MIA2: variants seen among roughly 807,000 people sequenced by gnomAD.
MIA2 encodes MIA SH3 domain ER export factor 2.
Under a neutral mutation model 167.8 loss-of-function variants are expected in MIA2, and 127 were observed. That is an observed-to-expected ratio of 0.76 (90% CI 0.66 to 0.88). The LOEUF (loss-of-function observed/expected upper bound fraction) is 0.88. Ranked by LOEUF, MIA2 falls within the 40% of genes least tolerant of loss-of-function variation. MIA2 has a pLI of 0.00. For missense variants in MIA2, 1,690 were observed against 1,624.7 expected, an observed-to-expected ratio of 1.04 and a Z score of -0.69; for synonymous variants, 552 against 541.9, an observed-to-expected ratio of 1.02 and a Z score of -0.26.
chr14:39,256,585 T>TA (rs201802571), intron 6 of MIA2, among the ~76,000 whole-genome samples: 16 of 151,222 alleles, frequency 1.1e-4, no homozygotes, highest in African/African-American at 1.7e-4. Context: ...GGCAGCTTTT[T>TA]AAAAAAAAAT....
chr14:39,302,013 C>G (rs1251262787), intron 14 of MIA2, 116 bp from the exon 15 acceptor site: 17 of 1,155,068 alleles, frequency 1.5e-5, no homozygotes, highest in Non-Finnish European at 2.0e-5. Context: ...AATAAGAGCT[C>G]TTGTGTTGTT....
intron 23 of MIA2, among the ~76,000 whole-genome samples, chr14:39,362,591 G>GC (rs1328685618): frequency 6.6e-6 from 1 of 151,776 alleles, no homozygotes; most frequent in Non-Finnish European, 1.5e-5. Context: ...GGTTAGTCTA[G>GC]CTAGTAGTTT....
intron 9 of MIA2, among the ~76,000 whole-genome samples, chr14:39,280,756 CAAA>C (rs1332392698): frequency 1.3e-5 from 2 of 151,318 alleles, no homozygotes; most frequent in Non-Finnish European, 3.0e-5. Context: ...AACAAACAAA[CAAA>C]AAAACCCTAC....
intron 9 of MIA2, among the ~76,000 whole-genome samples, chr14:39,289,093 A>G (rs1205013154): frequency 2.0e-5 from 3 of 152,086 alleles, no homozygotes; most frequent in African/African-American, 7.2e-5. Flanking sequence ...CCGTGAAGCC[A>G]TCTCTTCCTG....
chr14:39,358,967 G>C (rs969102765), intron 23 of MIA2, among the ~76,000 whole-genome samples: 4 of 152,212 alleles, frequency 2.6e-5, no homozygotes, highest in African/African-American at 9.6e-5. Context: ...CCCCTACTGG[G>C]GGATGCCTCC....
downstream of MIA2, among the ~76,000 whole-genome samples, chr14:39,355,968 A>T (rs1252808507): frequency 1.3e-5 from 2 of 152,138 alleles, no homozygotes; most frequent in Non-Finnish European, 2.9e-5. Context: ...TTTTTTATTG[A>T]GGATTTTTGC....
In MIA2 at chr14:39,348,779, A is replaced by G; in HGVS notation, c.3874A>G (p.Asn1292Asp). The G allele has an allele frequency of 6.2e-7, 1 of 1,613,944 alleles. No individual in the cohort carries two copies. Among genetic ancestry groups the G allele is most frequent in the Non-Finnish European group, 8.5e-7 (1 of 1,179,870 alleles). Residue 1292 changes from asparagine to aspartate, a missense_variant, in exon 28 of 29, where the codon AAT (asparagine) becomes GAT (aspartate). Coordinates refer to ENST00000640607, the MANE Select transcript of MIA2 (RefSeq NM_001329214.4). ...NVPDSSLPAE[N>D]EATGPGFVPP... ...GCCTGATTCATCTCTCCCTGCTGAA[A>G]ATGAAGCCACTGGCCCTGGCTTTGT...
chr14:39,385,410 T>G, intron 23 of MIA2: 1 of 1,306,936 alleles, frequency 7.7e-7, no homozygotes, highest in Non-Finnish European at 1.1e-6. Context: ...AGGCAGGTTC[T>G]GTACTTGATG....
At chr14:39,239,974 C>T (rs1566584947) in intron 2 of MIA2, among the ~76,000 whole-genome samples, 1 of 152,158 alleles carries the variant, frequency 6.6e-6, no homozygotes, top group African/African-American at 2.4e-5. Flanking sequence ...GATGGGTAAG[C>T]CTTCACCCTT....
intron 17 of MIA2, among the ~76,000 whole-genome samples, 187 bp downstream of exon 17, chr14:39,304,568 C>T (rs986611907): frequency 4.0e-5 from 6 of 151,866 alleles, no homozygotes; most frequent in African/African-American, 7.3e-5. Flanking sequence ...AAAGGCATAT[C>T]GATTTCCTCT....
intron 18 of MIA2, among the ~76,000 whole-genome samples, chr14:39,309,402 C>T (rs1237490930): frequency 6.6e-6 from 1 of 152,134 alleles, no homozygotes; most frequent in East Asian, 1.9e-4. Flanking sequence ...TTAGCTTATT[C>T]ATGTTCTTTT....
At chr14:39,359,405 G>A (rs530843378) in intron 23 of MIA2, among the ~76,000 whole-genome samples, 170 of 152,280 alleles carry the variant, frequency 1.1e-3, no homozygotes, top group African/African-American at 3.7e-3. Flanking sequence ...TTGGAAAAAC[G>A]CAGTATTAGG....
intron 3 of MIA2, among the ~76,000 whole-genome samples, chr14:39,243,639 G>T (rs557981254): frequency 1.3e-5 from 2 of 152,246 alleles, no homozygotes; most frequent in Admixed American, 1.3e-4. Flanking sequence ...GCCAAGGCAG[G>T]TGGATCATCT....
rs141828907 is a variant in MIA2, at chr14:39,294,020, G to C, written c.2340G>C (p.Arg780Ser). The C allele has an allele frequency of 6.2e-7, 1 of 1,611,342 alleles. No homozygotes were observed. The highest frequency in any genetic ancestry group is 8.5e-7 in the Non-Finnish European group (1 of 1,178,762). Residue 780 changes from arginine (R) to serine (S), a missense_variant, in exon 12 of 29, where the codon AGG (arginine) becomes AGC (serine). Transcript: ENST00000640607. ...TCTAGATGGCGGATATTTCAAAAAGGATACAGTCTCTAGAAGATGAGTCAA... is the reference window on the plus strand; with the variant it reads ...TCTAGATGGCGGATATTTCAAAAAGCATACAGTCTCTAGAAGATGAGTCAA... The part of the protein sequence containing the change: ...QDELMADISK[R>S]IQSLEDESKS...
intron 6 of MIA2, among the ~76,000 whole-genome samples, chr14:39,275,890 G>A (rs1332308766): frequency 6.6e-6 from 1 of 152,160 alleles, no homozygotes; most frequent in Non-Finnish European, 1.5e-5. Flanking sequence ...TACAGGTTAT[G>A]AAGTATAGAT....
At chr14:39,351,772 A>AT (rs527425164), downstream of MIA2, among the ~76,000 whole-genome samples, 294 of 151,870 alleles carry the variant, frequency 1.9e-3, 1 homozygote, top group Middle Eastern at 6.8e-3. Flanking sequence ...CATCTGGCGA[A>AT]TTTTTTTTGT....
intron 10 of MIA2, among the ~76,000 whole-genome samples, chr14:39,291,778 G>A (rs1364413018): frequency 1.3e-5 from 2 of 152,162 alleles, no homozygotes; most frequent in Admixed American, 6.5e-5. Context: ...TTTTAAGGAA[G>A]GAAAGTATGG....
At chr14:39,321,697 T>C (rs2066468749) in intron 24 of MIA2, among the ~76,000 whole-genome samples, 1 of 152,110 alleles carries the variant, frequency 6.6e-6, no homozygotes, top group Admixed American at 6.5e-5. Context: ...TTTGTAAGAC[T>C]GCATGAAATA....
intron 9 of MIA2, among the ~76,000 whole-genome samples, chr14:39,290,387 A>G (rs949577513): frequency 1.3e-5 from 2 of 152,094 alleles, no homozygotes; most frequent in African/African-American, 2.4e-5. Flanking sequence ...AGGTGGATCC[A>G]GAACAACGTA....
Sources: allele counts gnomAD v4.1 joint callset (sites outside exome capture counted in the v4.1 genomes callset), GRCh38; gene constraint gnomAD v4.1.1; transcripts MANE v1.5; gene names NCBI Gene and HGNC (gene_info 2026-07-23, HGNC 2026-07-21).